PITPNC1: variants seen among roughly 807,000 people sequenced by gnomAD.
PITPNC1 encodes the protein phosphatidylinositol transfer protein cytoplasmic 1.
PITPNC1 carries 18 observed loss-of-function variants against 44.7 expected under a neutral mutation model. That is an observed-to-expected ratio of 0.40 (90% CI 0.28 to 0.60). PITPNC1 has a LOEUF of 0.60. Ranked by LOEUF, PITPNC1 falls within the 20% of genes least tolerant of loss-of-function variation. PITPNC1 has a pLI of 0.39. For synonymous variants in PITPNC1, 141 were observed against 149.6 expected, an observed-to-expected ratio of 0.94 and a Z score of 0.42; for missense variants, 290 against 418.4, an observed-to-expected ratio of 0.69 and a Z score of 2.68.
At chr17:67,587,368 C>A (rs781233817) in intron 5 of PITPNC1, among the ~76,000 whole-genome samples, 1 of 152,024 alleles carries the variant, frequency 6.6e-6, no homozygotes. Flanking sequence ...GTGGCACACA[C>A]CTGTCATCCC....
intron 1 of PITPNC1, among the ~76,000 whole-genome samples, chr17:67,446,198 G>T (rs554977742): frequency 2.0e-5 from 3 of 151,980 alleles, no homozygotes; most frequent in Admixed American, 2.0e-4. Context: ...ACCCGCCTCG[G>T]CCTCCCAAAG....
intron 5 of PITPNC1, among the ~76,000 whole-genome samples, chr17:67,580,530 G>A (rs749183030): frequency 2.0e-5 from 3 of 151,996 alleles, no homozygotes; most frequent in Middle Eastern, 3.2e-3. Context: ...TTTTAGAGAC[G>A]TGGTTGTACC....
At chr17:67,533,021 C>T (rs923065710) in intron 2 of PITPNC1, 71 bp downstream of exon 2, 2 of 1,222,320 alleles carry the variant, frequency 1.6e-6, no homozygotes, top group African/African-American at 3.0e-5. Flanking sequence ...ACAGTGGAGG[C>T]AGTGGGTGTC....
intron 7 of PITPNC1, among the ~76,000 whole-genome samples, chr17:67,674,780 G>A (rs1347402508): frequency 2.6e-5 from 4 of 152,164 alleles, no homozygotes; most frequent in East Asian, 1.9e-4. Flanking sequence ...TTGGGAGGTC[G>A]AGGTGGGTGG....
intron 1 of PITPNC1, among the ~76,000 whole-genome samples, chr17:67,437,506 A>G (rs1233726785): frequency 2.0e-5 from 3 of 152,140 alleles, no homozygotes; most frequent in Non-Finnish European, 4.4e-5. Flanking sequence ...ACCCTGCAGA[A>G]CTGCGGGAGA....
chr17:67,695,613 T>TAC lies in PITPNC1; in HGVS notation c.*2726_*2727insCA, dbSNP rs1491428858. On this transcript the variant is annotated 3_prime_UTR_variant, in exon 9 of 9. Transcript: ENST00000581322. ...AAATTGTATTATACCTGTGTATATA[T>TAC]ATATATATATATATATATAAATATA... 1 of 93,264 alleles carries TAC rather than the reference T, an allele frequency of 1.1e-5. No homozygotes were observed. The highest frequency in any genetic ancestry group is 9.1e-5 in the Admixed American group (1 of 11,016). The allele number at this position is 93,264 out of a possible 1,614,324, so 5.8% of individuals were successfully genotyped here.
chr17:67,408,670 TTC>T (rs1485581321), intron 1 of PITPNC1: 10 of 139,106 alleles, frequency 7.2e-5, no homozygotes, highest in Non-Finnish European at 1.1e-4. Flanking sequence ...CTTGCTTGCT[TTC>T]TCTTTCTTCC....
At chr17:67,675,384 T>TC in intron 7 of PITPNC1, 95 bp from the exon 8 acceptor site, 1 of 892,808 alleles carries the variant, frequency 1.1e-6, no homozygotes, top group East Asian at 2.4e-5. Flanking sequence ...AAGAACTCTG[T>TC]AATCACCAAG....
intron 5 of PITPNC1, among the ~76,000 whole-genome samples, chr17:67,603,282 T>C (rs2952454): frequency 0.39 from 58,520 of 150,182 alleles, 13,102 homozygotes; most frequent in African/African-American, 0.63. Context: ...TAGATTAGAC[T>C]AGCAGGCCCC....
chr17:67,689,657 T>A (rs80064576), intron 8 of PITPNC1, among the ~76,000 whole-genome samples: 2,359 of 152,280 alleles, frequency 0.015, 71 homozygotes, highest in African/African-American at 0.053. Flanking sequence ...GTCTTTTCAA[T>A]TGAGCAGGTT....
intron 1 of PITPNC1, among the ~76,000 whole-genome samples, chr17:67,396,737 T>C (rs2038225807): frequency 6.6e-6 from 1 of 152,094 alleles, no homozygotes; most frequent in Admixed American, 6.6e-5. Context: ...CAATCACTGC[T>C]CGCTGCAGCC....
At chr17:67,669,754 A>C in intron 7 of PITPNC1, 91 bp downstream of exon 7, 2 of 902,618 alleles carry the variant, frequency 2.2e-6, no homozygotes, top group Non-Finnish European at 3.4e-6. Context: ...AGGTGCACAA[A>C]TACATCAGGT....
rs1490190653 is a variant in PITPNC1, at chr17:67,508,956, G to A, written c.49-23846G>A. On this transcript the variant is annotated intron_variant, in intron 1 of 8. Coordinates refer to ENST00000581322, the MANE Select transcript of PITPNC1 (RefSeq NM_012417.4). This position sits in a 1 kb window ranked among gnomAD's most constrained non-coding sequence, Gnocchi z 4.2. ...CATAATTTAAAAATAAAAACAGGCCGGGCTTGGTGGCTCACGTCTGTAATC... is the reference window on the plus strand; with the variant it reads ...CATAATTTAAAAATAAAAACAGGCCAGGCTTGGTGGCTCACGTCTGTAATC... Among the ~76,000 whole-genome samples, 12 of 152,168 alleles carry A rather than the reference G, an allele frequency of 7.9e-5. No individual in the cohort carries two copies. Among genetic ancestry groups the A allele is most frequent in the South Asian group, 2.1e-4 (1 of 4,824 alleles).
At chr17:67,538,855 A>G (rs2040565772) in intron 2 of PITPNC1, among the ~76,000 whole-genome samples, 1 of 151,990 alleles carries the variant, frequency 6.6e-6, no homozygotes, top group Admixed American at 6.5e-5. Context: ...CACCAAAATT[A>G]AAAGAACCAT....
intron 5 of PITPNC1, among the ~76,000 whole-genome samples, chr17:67,589,109 C>T (rs1168065987): frequency 2.6e-5 from 4 of 152,192 alleles, no homozygotes; most frequent in African/African-American, 9.7e-5. Flanking sequence ...CTTATTCAAT[C>T]TGTGTCTAAT....
chr17:67,616,399 C>A (rs975680765), intron 5 of PITPNC1, among the ~76,000 whole-genome samples: 17 of 152,194 alleles, frequency 1.1e-4, no homozygotes, highest in Admixed American at 3.9e-4. Flanking sequence ...CCTTGGCCTC[C>A]CAAAGTGCTG....
intron 1 of PITPNC1, among the ~76,000 whole-genome samples, chr17:67,379,943 A>AACACTCAGGCAGATGCTTTTCCC (rs2037931704): frequency 6.6e-6 from 1 of 152,160 alleles, no homozygotes; most frequent in African/African-American, 2.4e-5. Context: ...GGCTTTCTGA[A>AACACTCAGGCAGATGCTTTTCCC]ACACTCAGGC....
chr17:67,508,463 G>A lies in PITPNC1; in HGVS notation c.49-24339G>A, dbSNP rs1468524148. 6.6e-6 allele frequency among the ~76,000 whole-genome samples: 1 copy of A among 152,126 alleles called. No homozygotes were observed. Among genetic ancestry groups the A allele is most frequent in the South Asian group, 2.1e-4 (1 of 4,826 alleles). ...CTGGTGGGAGTGTAGCAGTGAGGAC[G>A]ACCAGAGGTCACTCCTGTCGCCATC... On this transcript the variant is annotated intron_variant, in intron 1 of 8. Coordinates refer to ENST00000581322, the MANE Select transcript of PITPNC1 (RefSeq NM_012417.4). The surrounding 1 kb of genome is among the most constrained non-coding windows in gnomAD (Gnocchi z 4.2).
intron 1 of PITPNC1, among the ~76,000 whole-genome samples, chr17:67,437,195 C>T (rs1429608503): frequency 6.6e-6 from 1 of 152,016 alleles, no homozygotes; most frequent in Non-Finnish European, 1.5e-5. Context: ...GCTGGGATTA[C>T]AGGTGTGAGC....
Sources: gnomAD v4.1 joint callset for allele counts (sites outside exome capture counted in the v4.1 genomes callset) on GRCh38, gnomAD v4.1.1 for gene constraint, Gnocchi (gnomAD v3.1) non-coding constraint, MANE v1.5 for transcripts, NCBI Gene and HGNC (gene_info 2026-07-23, HGNC 2026-07-21) for gene names.